Variants in PZP observed in about 807,000 individuals in gnomAD.
PZP encodes PZP alpha-2-macroglobulin like.
A neutral mutation model predicts 179.8 loss-of-function variants in PZP; 150 were observed. The observed-to-expected ratio is 0.83, with a 90% CI of 0.73 to 0.96. PZP has a LOEUF of 0.96. Among genes scored for constraint, PZP ranks in the 40% least tolerant of loss-of-function variants. The pLI, the probability that PZP is intolerant of heterozygous loss-of-function variation, is 0.00. For synonymous variants in PZP, 624 were observed against 652.3 expected (o/e 0.96, Z 0.66); for missense variants, 1,689 against 1,764.0 (o/e 0.96, Z 0.76).
In PZP at chr12:9,208,384, C is replaced by A; in HGVS notation, c.-43G>T. On this transcript the variant is annotated 5_prime_UTR_variant, in exon 1 of 36. Coordinates refer to ENST00000261336, the MANE Select transcript of PZP (RefSeq NM_002864.3). ...AGGGTTGTGTCCAACTCTCTGCCCT[C>A]AGCCTCGCCCTGGAGACCAGCTGAG... 1 of 1,534,342 alleles carries A rather than the reference C, an allele frequency of 6.5e-7. No individual in the cohort carries two copies.
At chr12:9,200,841 A>G in intron 6 of PZP, 51 bp downstream of exon 6, 1 of 1,555,910 alleles carries the variant, frequency 6.4e-7, no homozygotes, top group Non-Finnish European at 8.7e-7. Flanking sequence ...AAGTGAGCTC[A>G]CACTCTAGGA....
At chr12:9,160,985 C>A in intron 23 of PZP, 48 bp downstream of exon 23, 2 of 1,373,006 alleles carry the variant, frequency 1.5e-6, no homozygotes, top group Non-Finnish European at 2.1e-6. Context: ...ATAAGATGTA[C>A]AGTGGCAACT....
chr12:9,154,702 T>G lies in PZP; in HGVS notation c.3688A>C (p.Thr1230Pro). 1 of 1,614,036 alleles carries G rather than the reference T, an allele frequency of 6.2e-7. No individual in the cohort carries two copies. The highest frequency in any genetic ancestry group is 8.5e-7 in the Non-Finnish European group (1 of 1,180,008). ...LAYLTAQPAP[T>P]SGDLTSATNI... ...GTTGCAGAGGTCAGGTCCCCTGAGG[T>G]GGGGGCTGGCTGGGCCGTGAGATAA... Residue 1230 changes from threonine (T) to proline (P), a missense_variant, in exon 29 of 36, where the codon ACC becomes CCC. By Grantham distance (38) the Thr-to-Pro change is conservative. Around this residue, in one of 3 missense-constraint regions of PZP, gnomAD observed 746 missense variants for 749.2 expected, o/e 1.00. Coordinates refer to ENST00000261336, the MANE Select transcript of PZP (RefSeq NM_002864.3).
At position 9,192,595 on chromosome 12, in the gene PZP, C is replaced by T; in HGVS notation, c.1399G>A (p.Gly467Ser). Reference sequence around the variant, plus strand: ...TGTGCCGTGATAGTCTCCGTGTGGCCACAGGGCAGGGTACCAGCCACAGGC... The same window carrying T: ...TGTGCCGTGATAGTCTCCGTGTGGCTACAGGGCAGGGTACCAGCCACAGGC... ...LEPVAGTLPC[G>S]HTETITAHYT... The change falls in exon 12 of 36, where the codon GGC becomes AGC. Residue 467 changes from glycine to serine, a missense_variant. This residue lies in a region of PZP where 742 missense variants were observed against 730.5 expected (regional missense o/e 1.02). Transcript: ENST00000261336. The T allele has an allele frequency of 6.2e-7, 1 of 1,614,156 alleles. No individual in the cohort carries two copies. The highest frequency in any genetic ancestry group is 8.5e-7 in the Non-Finnish European group (1 of 1,180,036).
chr12:9,206,299 C>T (rs1352446541), intron 1 of PZP, among the ~76,000 whole-genome samples: 1 of 151,068 alleles, frequency 6.6e-6, no homozygotes, highest in Non-Finnish European at 1.5e-5. Context: ...AATTATAAGC[C>T]TAAAAGATAT....
At chr12:9,141,830 A>G in the PZP span, among the ~76,000 whole-genome samples, 421 of 152,300 alleles carry the variant, frequency 2.8e-3, 2 homozygotes, top group African/African-American at 9.5e-3. Flanking sequence ...AGAGCCTAGG[A>G]CCCAGACAGA....
rs915535342 is a variant in PZP, at chr12:9,197,235, G to C, written c.756-112C>G. 5 of 684,634 alleles carry C rather than the reference G, an allele frequency of 7.3e-6. No individual in the cohort carries two copies. The African/African-American group carries it at 7.5e-5, about 10-fold the overall frequency. The allele number at this position is 684,634 out of a possible 1,614,324, so 42.4% of individuals were successfully genotyped here. ...GTTGCCTACACATCTTTATCATCTG[G>C]GTGCCCACCAAGTAGAAAGCTGTCT... On this transcript the variant is annotated intron_variant, in intron 7 of 35. Coordinates refer to ENST00000261336, the MANE Select transcript of PZP (RefSeq NM_002864.3).
Position 9,203,837 on chromosome 12 carries a change from G to A in PZP, c.198C>T (p.Gly66=). The stretch of plus-strand genomic sequence containing the variant: ...CAGTGAAGAGGCTCCTGTTTTCCCT[G>A]CCAGACTCCAAGGAAGCACTTACAG... The part of the protein sequence containing the change: ...TVTVSASLES[G]RENRSLFTDL... The change falls in exon 2 of 36, where the codon GGC becomes GGT. Residue 66 remains glycine, a synonymous_variant. Coordinates refer to ENST00000261336, the MANE Select transcript of PZP (RefSeq NM_002864.3). 1 of 1,614,104 alleles carries A rather than the reference G, an allele frequency of 6.2e-7. No homozygotes were observed. Among genetic ancestry groups the A allele is most frequent in the Middle Eastern group, 1.7e-4 (1 of 6,060 alleles).
intron 16 of PZP, 141 bp downstream of exon 16, chr12:9,169,289 C>T: frequency 2.3e-6 from 2 of 861,396 alleles, no homozygotes; most frequent in East Asian, 5.6e-5. Flanking sequence ...GAGACTTTAA[C>T]CTTTTTATTG....
At chr12:9,191,900 A>C (rs1042852355) in intron 13 of PZP, among the ~76,000 whole-genome samples, 2 of 152,194 alleles carry the variant, frequency 1.3e-5, no homozygotes, top group African/African-American at 4.8e-5. Context: ...GGGTGGAGAT[A>C]AATAGAAGGC....
At chr12:9,173,925 C>T (rs1468310861) in intron 15 of PZP, among the ~76,000 whole-genome samples, 4 of 152,188 alleles carry the variant, frequency 2.6e-5, no homozygotes, top group Admixed American at 1.3e-4. Flanking sequence ...ACCATTTCTA[C>T]TAAAACTATT....
At position 9,159,995 on chromosome 12, in the gene PZP, T is replaced by C; in HGVS notation, c.3080A>G (p.Gln1027Arg). 1 of 1,613,984 alleles carries C rather than the reference T, an allele frequency of 6.2e-7. No homozygotes were observed. Reference sequence around the variant, plus strand: ...CCCAAAGGTGCTGTAGGAGCCATCTTGGTGTTTGTAGTTCAGCTGTCTCTG... The same window carrying C: ...CCCAAAGGTGCTGTAGGAGCCATCTCGGTGTTTGTAGTTCAGCTGTCTCTG... ...GYQRQLNYKHQDGSYSTFGER... is the reference protein window; with the variant it reads ...GYQRQLNYKHRDGSYSTFGER... The change falls in exon 25 of 36, where the codon CAA (glutamine) becomes CGA (arginine). Residue 1027 changes from glutamine to arginine, a missense_variant. Physicochemically the swap from Gln to Arg is conservative, Grantham distance 43. Coordinates refer to ENST00000261336, the MANE Select transcript of PZP (RefSeq NM_002864.3).
Position 9,202,562 on chromosome 12 carries a change from G to C in PZP, c.390C>G (p.Val130=), listed in dbSNP as rs759310102. ...GTTTATACATGGGTTTGTCTGTCTG[G>C]ACAAAGACCAGACTTTGGGTGTTCA... ...LVLNTQSLVF[V]QTDKPMYKPG... The change falls in exon 3 of 36, where the codon GTC becomes GTG. Residue 130 remains valine (V), a synonymous_variant. Transcript: ENST00000261336. The C allele has an allele frequency of 2.5e-6, 4 of 1,614,056 alleles. No individual in the cohort carries two copies. The Admixed American group carries it at 5.0e-5, about 20-fold the overall frequency.
At chr12:9,154,972 C>T (rs1227071031) in intron 28 of PZP, 133 bp from the exon 29 acceptor site, 3 of 913,444 alleles carry the variant, frequency 3.3e-6, no homozygotes, top group Admixed American at 2.7e-5. Flanking sequence ...ATGTCATAAA[C>T]TCCTAAAACT....
At chr12:9,165,636 A>G (rs1941529860) in intron 18 of PZP, among the ~76,000 whole-genome samples, 1 of 152,202 alleles carries the variant, frequency 6.6e-6, no homozygotes, top group Non-Finnish European at 1.5e-5. Context: ...GATTCATTTT[A>G]GTCCTTAACT....
chr12:9,182,069 G>T lies in PZP; in HGVS notation c.1595C>A (p.Pro532His), dbSNP rs778679444. ...LSFPVESDVA[P>H]IARMFIFAIL... The stretch of plus-strand genomic sequence containing the variant: ...GGCAAAGATGAACATTCGTGCAATG[G>T]GGGCAACGTCTGACTCCACAGGGAA... The change falls in exon 14 of 36, where the codon CCC becomes CAC. Residue 532 changes from proline to histidine, a missense_variant. Physicochemically the swap from Pro to His is moderately conservative, Grantham distance 77. Transcript: ENST00000261336. The T allele has an allele frequency of 1.9e-6, 3 of 1,613,552 alleles. No individual in the cohort carries two copies. The highest frequency in any genetic ancestry group is 2.2e-5 in the South Asian group (2 of 91,006).
At chr12:9,165,790 C>T (rs182896320) in intron 18 of PZP, among the ~76,000 whole-genome samples, 1 of 152,274 alleles carries the variant, frequency 6.6e-6, no homozygotes, top group Non-Finnish European at 1.5e-5. Flanking sequence ...CGACATTAAG[C>T]AGTATATATA....
rs753767058 is a variant in PZP, at chr12:9,169,496, G to A, written c.1935C>T (p.Phe645=). 3.0e-5 allele frequency: 48 copies of A among 1,612,746 alleles called. No individual in the cohort carries two copies. The highest frequency in any genetic ancestry group is 3.6e-5 in the Non-Finnish European group (43 of 1,179,200). The change falls in exon 16 of 36, where the codon TTC becomes TTT. Residue 645 remains phenylalanine, a synonymous_variant. Transcript: ENST00000261336. Reference sequence around the variant, plus strand: ...GAACATAGATGGCTCCATTATGAATGAAGAAAGGACGGGGACAGTGTCCTT... The same window carrying A: ...GAACATAGATGGCTCCATTATGAATAAAGAAAGGACGGGGACAGTGTCCTT... ...EEQGHCPRPF[F]IHNGAIYVPL...
intron 29 of PZP, among the ~76,000 whole-genome samples, chr12:9,154,291 A>G (rs971354124): frequency 1.3e-5 from 2 of 152,216 alleles, no homozygotes; most frequent in Non-Finnish European, 1.5e-5. Context: ...TTCCTTTTAC[A>G]ACGATGATGT....
Sources: allele counts gnomAD v4.1 joint callset (sites outside exome capture counted in the v4.1 genomes callset), GRCh38; gene constraint gnomAD v4.1.1; regional missense constraint gnomAD v4.1.1; transcripts MANE v1.5; gene names NCBI Gene and HGNC (gene_info 2026-07-23, HGNC 2026-07-21).